ADK: variants seen among roughly 807,000 people sequenced by gnomAD.
ADK encodes adenosine kinase, also known as N6,N6-dimethyladenosine kinase.
ADK carries 24 observed loss-of-function variants against 44.7 expected under a neutral mutation model. The ratio of observed to expected loss-of-function variants is 0.54; its 90% CI spans 0.39 to 0.76. The LOEUF (loss-of-function observed/expected upper bound fraction) is 0.76. ADK is among the 30% of genes least tolerant of loss of function. The probability of loss-of-function intolerance (pLI) is 0.00; values close to 1 mark genes in which losing one functional copy is unlikely to be tolerated. For missense variants in ADK, 321 were observed against 425.1 expected (o/e 0.76, Z 2.15); for synonymous variants, 128 against 142.6 (o/e 0.90, Z 0.73).
At chr10:74,532,919 C>CAAAAAAAAA (rs35774493) in intron 7 of ADK, among the ~76,000 whole-genome samples, 1 of 75,518 alleles carries the variant, frequency 1.3e-5, no homozygotes. Context: ...GACTCTGTCT[C>CAAAAAAAAA]AAAAAAAAAA....
intron 4 of ADK, among the ~76,000 whole-genome samples, chr10:74,389,026 A>G (rs1218547910): frequency 3.3e-5 from 5 of 152,116 alleles, no homozygotes; most frequent in Admixed American, 6.5e-5. Flanking sequence ...TTTCTTTCCT[A>G]TCAGAGATCA....
intron 6 of ADK, among the ~76,000 whole-genome samples, chr10:74,464,248 GT>G (rs1846270454): frequency 6.6e-6 from 1 of 152,140 alleles, no homozygotes; most frequent in South Asian, 2.1e-4. Context: ...TGTGCTCAAG[GT>G]TTGTTCTAAG....
chr10:74,302,740 G>A (rs1423584614), intron 3 of ADK, among the ~76,000 whole-genome samples: 1 of 152,130 alleles, frequency 6.6e-6, no homozygotes, highest in Non-Finnish European at 1.5e-5. Context: ...AAGTTGCAGT[G>A]AACCCAAATC....
At chr10:74,592,306 A>C (rs1851753117) in intron 8 of ADK, among the ~76,000 whole-genome samples, 3 of 152,122 alleles carry the variant, frequency 2.0e-5, no homozygotes. Flanking sequence ...TGTGTTTTTA[A>C]ATCTAGCTTT....
intron 4 of ADK, among the ~76,000 whole-genome samples, chr10:74,349,837 T>G (rs57372758): frequency 0.13 from 19,532 of 151,814 alleles, 1,314 homozygotes; most frequent in Middle Eastern, 0.17. Context: ...TACATAATGG[T>G]AAAGGGATCA....
At chr10:74,277,774 A>G (rs1846760676) in intron 3 of ADK, among the ~76,000 whole-genome samples, 1 of 151,950 alleles carries the variant, frequency 6.6e-6, no homozygotes, top group African/African-American at 2.4e-5. Context: ...TTAAAAAGCT[A>G]TTTTTTCTTT....
chr10:74,227,612 G>C (rs1486426628), intron 3 of ADK, among the ~76,000 whole-genome samples: 1 of 152,204 alleles, frequency 6.6e-6, no homozygotes, highest in Non-Finnish European at 1.5e-5. Flanking sequence ...GGGAGGCCGA[G>C]GTGGGTGGAT....
chr10:74,362,122 A>G (rs1842353832), intron 4 of ADK, among the ~76,000 whole-genome samples: 1 of 152,024 alleles, frequency 6.6e-6, no homozygotes, highest in Non-Finnish European at 1.5e-5. Context: ...AGGTATGGAA[A>G]GTTTTCTGTT....
At position 74,628,108 on chromosome 10, in the gene ADK, A is replaced by G. The variant is rs190608081; in HGVS notation, c.877+27615A>G. 9.3e-4 allele frequency among the ~76,000 whole-genome samples: 142 copies of G among 152,306 alleles called. 1 individual carries two copies. The highest frequency in any genetic ancestry group is 2.5e-4 in the Non-Finnish European group (17 of 68,022). On this transcript the variant is annotated intron_variant, in intron 9 of 10. Coordinates refer to ENST00000539909, the MANE Select transcript of ADK (RefSeq NM_006721.4). ...TTGTAAACCATCTATACATAGAGAC[A>G]TTTGTCACCATTGACAGTTGTGACA...
At chr10:74,569,640 T>C (rs1257617015) in intron 7 of ADK, among the ~76,000 whole-genome samples, 2 of 152,222 alleles carry the variant, frequency 1.3e-5, no homozygotes, top group Admixed American at 6.5e-5. Context: ...TTCTTGTGAA[T>C]TTGTTGGAGT....
intron 6 of ADK, among the ~76,000 whole-genome samples, chr10:74,469,880 GTTTATGGCTGGCTT>G (rs1164919052): frequency 6.6e-6 from 1 of 152,072 alleles, no homozygotes; most frequent in East Asian, 1.9e-4. Context: ...TAGGATCATG[GTTTATGGCTGGCTT>G]TTTATGGCTG....
chr10:74,312,614 A>G (rs1840473545), intron 3 of ADK, among the ~76,000 whole-genome samples: 1 of 151,854 alleles, frequency 6.6e-6, no homozygotes, highest in African/African-American at 2.4e-5. Context: ...TTAACAGTTA[A>G]TGTTTTCAGG....
intron 1 of ADK, among the ~76,000 whole-genome samples, chr10:74,166,675 A>G (rs1317744684): frequency 7.4e-6 from 1 of 135,620 alleles, no homozygotes; most frequent in African/African-American, 2.9e-5. Context: ...TGACAAAGTG[A>G]GACTCCGTCT....
At chr10:74,254,696 G>A (rs1845762116) in intron 3 of ADK, among the ~76,000 whole-genome samples, 1 of 152,016 alleles carries the variant, frequency 6.6e-6, no homozygotes, top group Admixed American at 6.6e-5. Flanking sequence ...ATTGTTACAA[G>A]TTTGGAGCAA....
chr10:74,482,895 C>T (rs926601589), intron 6 of ADK, among the ~76,000 whole-genome samples: 1 of 152,172 alleles, frequency 6.6e-6, no homozygotes, highest in Non-Finnish European at 1.5e-5. Flanking sequence ...CAGGGCTCAG[C>T]TCCCATGTCA....
At chr10:74,406,313 A>T (rs553386487) in intron 6 of ADK, among the ~76,000 whole-genome samples, 168 of 152,080 alleles carry the variant, frequency 1.1e-3, no homozygotes, top group Non-Finnish European at 1.6e-3. Context: ...CCTCTTACCT[A>T]ATATGTCTTT....
At chr10:74,318,658 G>A (rs1368141090) in intron 4 of ADK, among the ~76,000 whole-genome samples, 2 of 152,150 alleles carry the variant, frequency 1.3e-5, no homozygotes, top group Non-Finnish European at 2.9e-5. Context: ...ATTTAAGTTA[G>A]GATGATAGCC....
intron 7 of ADK, among the ~76,000 whole-genome samples, chr10:74,579,564 A>G (rs1851308712): frequency 6.6e-6 from 1 of 152,172 alleles, no homozygotes; most frequent in Admixed American, 6.5e-5. Context: ...CATCCCTACA[A>G]TTTCCATAGC....
intron 9 of ADK, among the ~76,000 whole-genome samples, chr10:74,658,634 G>A (rs775834606): frequency 1.3e-5 from 2 of 151,922 alleles, no homozygotes; most frequent in African/African-American, 2.4e-5. Flanking sequence ...ACAGCTTGTT[G>A]TGCAGGCTGG....
Sources: gnomAD v4.1 joint callset for allele counts (sites outside exome capture counted in the v4.1 genomes callset) on GRCh38, gnomAD v4.1.1 for gene constraint, MANE v1.5 for transcripts, NCBI Gene and HGNC (gene_info 2026-07-23, HGNC 2026-07-21) for gene names.